HAS2: variants seen among roughly 807,000 people sequenced by gnomAD.
HAS2 encodes the protein hyaluronan synthase 2.
Under a neutral mutation model 51.6 loss-of-function variants are expected in HAS2, and 16 were observed. The observed-to-expected ratio is 0.31, with a 90% confidence interval of 0.21 to 0.47. The LOEUF (loss-of-function observed/expected upper bound fraction) is 0.47, where lower values mean the gene tolerates loss of function less well. HAS2 is among the 20% of genes least tolerant of loss of function. The probability of loss-of-function intolerance (pLI) is 1.00; values close to 1 mark genes in which losing one functional copy is unlikely to be tolerated. For missense variants in HAS2, 361 were observed against 662.6 expected, an observed-to-expected ratio of 0.54 and a Z score of 5.00; for synonymous variants, 228 against 235.5, an observed-to-expected ratio of 0.97 and a Z score of 0.29.
At chr8:121,637,920 C>G (rs1813034816) in intron 1 of HAS2, among the ~76,000 whole-genome samples, 1 of 152,158 alleles carries the variant, frequency 6.6e-6, no homozygotes, top group South Asian at 2.1e-4. Flanking sequence ...GCTCTGTCCT[C>G]TCATTACTTT....
chr8:121,627,921 G>A (rs1316414535), intron 2 of HAS2, among the ~76,000 whole-genome samples: 3 of 152,092 alleles, frequency 2.0e-5, no homozygotes, highest in African/African-American at 7.2e-5. Context: ...AGTATCTGCA[G>A]AAAATTAAAA....
intron 1 of HAS2, among the ~76,000 whole-genome samples, chr8:121,636,501 G>A (rs1021148456): frequency 1.3e-5 from 2 of 152,044 alleles, no homozygotes; most frequent in African/African-American, 4.8e-5. Flanking sequence ...AAGCTTCCAG[G>A]GTTAGTATAC....
chr8:121,617,400 A>G (rs1273754482), intron 2 of HAS2, among the ~76,000 whole-genome samples, 194 bp from the exon 3 acceptor site: 1 of 152,152 alleles, frequency 6.6e-6, no homozygotes, highest in African/African-American at 2.4e-5. Flanking sequence ...AGCAAACTCA[A>G]TATTTAAGTT....
At position 121,641,158 on chromosome 8, in the gene HAS2, C is replaced by CTTTTTTTTTTTTTTTTT. The variant is rs71573616; in HGVS notation, c.-323_-307dup. On this transcript the variant is annotated 5_prime_UTR_variant, in exon 1 of 4. Coordinates refer to ENST00000303924, the MANE Select transcript of HAS2 (RefSeq NM_005328.3). ...TAACTTTTCTTTTTTCTTTTCTTTT[C>CTTTTTTTTTTTTTTTTT]TTTTTTTTTTTTTTTTTTTTTTGGG... 2.3e-3 allele frequency: 130 copies of CTTTTTTTTTTTTTTTTT among 57,026 alleles called. 2 individuals carry two copies. The highest frequency in any genetic ancestry group is 3.1e-3 in the Non-Finnish European group (97 of 30,860). The allele number at this position is 57,026 out of a possible 1,614,324, so 3.5% of individuals were successfully genotyped here.
At chr8:121,628,110 T>A (rs746287528) in intron 2 of HAS2, among the ~76,000 whole-genome samples, 2 of 152,138 alleles carry the variant, frequency 1.3e-5, no homozygotes, top group Non-Finnish European at 2.9e-5. Context: ...GTGAGTGAGG[T>A]AATGCTGTTT....
intron 2 of HAS2, among the ~76,000 whole-genome samples, chr8:121,624,236 G>A (rs1812812560): frequency 6.6e-6 from 1 of 152,034 alleles, no homozygotes; most frequent in African/African-American, 2.4e-5. Context: ...ACAGTTCAAG[G>A]CCATGTTAAA....
chr8:121,630,502 C>T (rs1456558966), intron 1 of HAS2, among the ~76,000 whole-genome samples: 1 of 152,038 alleles, frequency 6.6e-6, no homozygotes, highest in Non-Finnish European at 1.5e-5. Flanking sequence ...CATTTCTTTC[C>T]TCCTGGAGTT....
Position 121,613,540 on chromosome 8 carries a change from C to T in HAS2, c.*569G>A, listed in dbSNP as rs1812663873. On this transcript the variant is annotated 3_prime_UTR_variant, in exon 4 of 4. Transcript: ENST00000303924. ...AAAAGGAAGAACAGGTTTATTTTGG[C>T]AGAAAAGTAAAATAGAGAATATGCA... is the stretch of plus-strand genomic sequence containing the variant. The T allele has an allele frequency of 6.6e-6, 1 of 152,480 alleles. No homozygotes were observed. Among genetic ancestry groups the T allele is most frequent in the East Asian group, 1.9e-4 (1 of 5,170 alleles). 9.4% of individuals were successfully genotyped at this position (152,480 alleles called of 1,614,324 possible).
At chr8:121,616,075 C>T (rs1812696856) in intron 3 of HAS2, among the ~76,000 whole-genome samples, 1 of 152,114 alleles carries the variant, frequency 6.6e-6, no homozygotes, top group South Asian at 2.1e-4. Flanking sequence ...AGTCTATTTT[C>T]CATGTGCTTT....
intron 2 of HAS2, among the ~76,000 whole-genome samples, chr8:121,626,100 A>G (rs1162543226): frequency 6.6e-6 from 1 of 152,196 alleles, no homozygotes; most frequent in African/African-American, 2.4e-5. Flanking sequence ...AAGCAGGCCC[A>G]GTGGTCTCAA....
intron 1 of HAS2, among the ~76,000 whole-genome samples, chr8:121,637,332 T>A (rs1400070282): frequency 6.6e-6 from 1 of 151,816 alleles, no homozygotes; most frequent in Non-Finnish European, 1.5e-5. Context: ...AACATTCTCC[T>A]AGATGGTGGG....
intron 2 of HAS2, 100 bp downstream of exon 2, chr8:121,628,614 T>C (rs1812885650): frequency 3.8e-6 from 4 of 1,064,888 alleles, no homozygotes; most frequent in Non-Finnish European, 5.5e-6. Flanking sequence ...AAGTACTGTG[T>C]TCAGAAGGGA....
rs902034902 is a variant in HAS2 at position 121,628,880 on chromosome 8, T to C, written c.461A>G (p.Glu154Gly). The C allele has an allele frequency of 6.2e-7, 1 of 1,614,140 alleles. No homozygotes were observed. Among genetic ancestry groups the C allele is most frequent in the African/African-American group, 1.3e-5 (1 of 75,064 alleles). Residue 154 changes from glutamate (E) to glycine (G), a missense_variant, in exon 2 of 4, where the codon GAA (glutamate) becomes GGA (glycine). By Grantham distance (98) the Glu-to-Gly change is moderately conservative (BLOSUM62 -2). Coordinates refer to ENST00000303924, the MANE Select transcript of HAS2 (RefSeq NM_005328.3). ...CTCATCTGTCTCACCGGGACCCTTT[T>C]CGTGGAAGTTGTTCTTCCAGATATA... is the stretch of plus-strand genomic sequence containing the variant. ...ATYIWKNNFH[E>G]KGPGETDESH...
intron 1 of HAS2, among the ~76,000 whole-genome samples, chr8:121,632,906 T>C (rs1381662956): frequency 6.6e-6 from 1 of 152,192 alleles, no homozygotes; most frequent in Non-Finnish European, 1.5e-5. Flanking sequence ...CAAATAACTA[T>C]GCATATAATA....
At chr8:121,629,766 G>GA (rs893726582) in intron 1 of HAS2, among the ~76,000 whole-genome samples, 1 of 151,994 alleles carries the variant, frequency 6.6e-6, no homozygotes, top group Non-Finnish European at 1.5e-5. Context: ...ATTGGCCAGT[G>GA]AAAAAAATCC....
In HAS2 at chr8:121,626,699, C is replaced by T. The variant is rs547550146; in HGVS notation, c.627+2015G>A. On this transcript the variant is annotated intron_variant, in intron 2 of 3. Coordinates refer to ENST00000303924, the MANE Select transcript of HAS2 (RefSeq NM_005328.3). The stretch of plus-strand genomic sequence containing the variant: ...GAGTGGTTAGTATTGTGAATTGAAC[C>T]TTAGGAAATTGCCATTTTTATAGGT... Among the ~76,000 whole-genome samples, 182 of 152,126 alleles carry T rather than the reference C, an allele frequency of 1.2e-3. 1 individual carries two copies. The highest frequency in any genetic ancestry group is 2.4e-3 in the Non-Finnish European group (162 of 68,032).
Position 121,614,131 on chromosome 8 carries a change from T to C in HAS2, c.1637A>G (p.Tyr546Cys). Residue 546 changes from tyrosine to cysteine, a missense_variant, in exon 4 of 4, where the codon TAT becomes TGT. Transcript: ENST00000303924. The surrounding 1 kb of genome is among the most constrained non-coding windows in gnomAD (Gnocchi z 7.2). ...AGATCATACATCAAGCACCATGTCA[T>C]ATTGTTGTCCCTTCTTCCGCCTGCC... ...KCGRRKKGQQ[Y>C]DMVLDV The C allele has an allele frequency of 6.2e-7, 1 of 1,614,116 alleles. No individual in the cohort carries two copies. The highest frequency in any genetic ancestry group is 8.5e-7 in the Non-Finnish European group (1 of 1,179,962).
At chr8:121,624,888 GGTCGAGACCATCC>G (rs1347387714) in intron 2 of HAS2, among the ~76,000 whole-genome samples, 1 of 152,056 alleles carries the variant, frequency 6.6e-6, no homozygotes, top group Non-Finnish European at 1.5e-5. Flanking sequence ...GAGGTCAGGA[GGTCGAGACCATCC>G]TGGCTAATAC....
At chr8:121,625,002 G>T (rs530108782) in intron 2 of HAS2, among the ~76,000 whole-genome samples, 8 of 150,924 alleles carry the variant, frequency 5.3e-5, no homozygotes, top group Admixed American at 2.6e-4. Context: ...GGAGGTTGAG[G>T]CAGGAGAATG....
Sources: gnomAD v4.1 joint callset for allele counts (sites outside exome capture counted in the v4.1 genomes callset) on GRCh38, gnomAD v4.1.1 for gene constraint, Gnocchi (gnomAD v3.1) non-coding constraint, MANE v1.5 for transcripts, NCBI Gene and HGNC (gene_info 2026-07-23, HGNC 2026-07-21) for gene names.